Variants in DCSTAMP observed in about 807,000 individuals in gnomAD.
The protein encoded by DCSTAMP is dendrocyte expressed seven transmembrane protein.
In DCSTAMP, 25 loss-of-function variants were observed where a neutral mutation model predicts 33.8. The observed-to-expected ratio is 0.74, with a 90% CI of 0.54 to 1.03. The LOEUF (loss-of-function observed/expected upper bound fraction) is 1.03. Among genes scored for constraint, DCSTAMP ranks in the 50% least tolerant of loss-of-function variants. DCSTAMP has a pLI of 0.00. For missense variants in DCSTAMP, 531 were observed against 556.8 expected, an observed-to-expected ratio of 0.95 and a Z score of 0.47; for synonymous variants, 245 against 216.7, an observed-to-expected ratio of 1.13 and a Z score of -1.15.
intron 1 of DCSTAMP, among the ~76,000 whole-genome samples, chr8:104,346,792 T>C (rs76591830): frequency 0.02 from 3,094 of 152,358 alleles, 103 homozygotes; most frequent in African/African-American, 0.07. Flanking sequence ...CCCCATTTTA[T>C]TTCTGCCCTT....
chr8:104,345,256 C>T lies in DCSTAMP; in HGVS notation c.-12-3285C>T, dbSNP rs181954196. Among the ~76,000 whole-genome samples the T allele has an allele frequency of 4.9e-4, 75 of 152,242 alleles. 1 individual carries two copies. In the East Asian group the frequency reaches 0.014, roughly 28 times the overall value. On this transcript the variant is annotated intron_variant, in intron 1 of 3. Coordinates refer to ENST00000297581, the MANE Select transcript of DCSTAMP (RefSeq NM_030788.4). ...GAGTCTTAAGGTGCTTGCTAAGGTT[C>T]CCCTCATTAAACCAAAGGGAGCAGG...
intron 1 of DCSTAMP, among the ~76,000 whole-genome samples, chr8:104,340,859 G>A (rs975398521): frequency 6.6e-6 from 1 of 152,236 alleles, no homozygotes; most frequent in African/African-American, 2.4e-5. Flanking sequence ...GTTCCCGCAG[G>A]GGACCGGCAG....
At position 104,356,153 on chromosome 8, in the gene DCSTAMP, G is replaced by C. The variant is rs1329010300; in HGVS notation, c.1368G>C (p.Met456Ile). 3.1e-6 allele frequency: 5 copies of C among 1,612,534 alleles called. No homozygotes were observed. The South Asian group carries it at 5.5e-5, about 18-fold the overall frequency. ...ATTTCTGGCTTCCAGTCCTGAAAAT[G>C]ATTAGGAAGAAGCAAATGGACATGG... Reference protein sequence around the residue: ...KIHFWLPVLKMIRKKQMDMAS... With the variant: ...KIHFWLPVLKIIRKKQMDMAS... The change falls in exon 4 of 4, where the codon ATG becomes ATC. Residue 456 changes from methionine to isoleucine, a missense_variant. By Grantham distance (10) the Met-to-Ile change is conservative (BLOSUM62 1). Transcript: ENST00000297581.
chr8:104,350,520 A>G (rs2140475081), intron 2 of DCSTAMP, among the ~76,000 whole-genome samples: 1 of 152,354 alleles, frequency 6.6e-6, no homozygotes, highest in Admixed American at 6.5e-5. Context: ...AGTAGCTGAT[A>G]GCACCCACTT....
intron 1 of DCSTAMP, among the ~76,000 whole-genome samples, 168 bp downstream of exon 1, chr8:104,340,030 T>A (rs2099382477): frequency 1.3e-5 from 2 of 152,212 alleles, no homozygotes. Context: ...TATCTGAATA[T>A]CCTCTGCTCA....
intron 1 of DCSTAMP, 92 bp from the exon 2 acceptor site, chr8:104,348,449 G>GT (rs1810372339): frequency 1.5e-6 from 2 of 1,321,898 alleles, no homozygotes; most frequent in Non-Finnish European, 2.0e-6. Flanking sequence ...TTATGGCCAC[G>GT]TTTTTTGTAG....
In DCSTAMP at chr8:104,349,137, C is replaced by T. The variant is rs748208397; in HGVS notation, c.585C>T (p.Ser195=). Residue 195 remains serine, a synonymous_variant, in exon 2 of 4, where the codon AGC becomes AGT. Coordinates refer to ENST00000297581, the MANE Select transcript of DCSTAMP (RefSeq NM_030788.4). ...ATGACAGCAAAGGGGAAGTCCTGAG[C>T]GTCTTGTACCAGATGGCAACAACCA... The part of the protein sequence containing the change: ...QLNDSKGEVL[S]VLYQMATTTE... 10 of 1,614,042 alleles carry T rather than the reference C, an allele frequency of 6.2e-6. No individual in the cohort carries two copies. Among genetic ancestry groups the T allele is most frequent in the African/African-American group, 5.3e-5 (4 of 74,932 alleles).
rs1228499044 is a variant in DCSTAMP at position 104,354,988 on chromosome 8, A to C, written c.1141A>C (p.Ser381Arg). Reference sequence around the variant, plus strand: ...TCTATCTGAGACCTGGGTTCCTCTCAGTGTTATTCTTTTGATATTAGTGAT... The same window carrying C: ...TCTATCTGAGACCTGGGTTCCTCTCCGTGTTATTCTTTTGATATTAGTGAT... ...FLLSETWVPL[S>R]VILLILVMLG... The change falls in exon 3 of 4, where the codon AGT (serine) becomes CGT (arginine). Residue 381 changes from serine (S) to arginine (R), a missense_variant. By Grantham distance (110) the Ser-to-Arg change is moderately radical (BLOSUM62 -1). Transcript: ENST00000297581. The C allele has an allele frequency of 6.2e-7, 1 of 1,614,076 alleles. No individual in the cohort carries two copies. Among genetic ancestry groups the C allele is most frequent in the African/African-American group, 1.3e-5 (1 of 75,012 alleles).
chr8:104,348,788 G>A lies in DCSTAMP; in HGVS notation c.236G>A (p.Arg79Gln), dbSNP rs773599990. 64 of 1,614,066 alleles carry A rather than the reference G, an allele frequency of 4.0e-5. No individual in the cohort carries two copies. The highest frequency in any genetic ancestry group is 4.3e-5 in the Non-Finnish European group (51 of 1,180,052). Residue 79 changes from arginine (R) to glutamine (Q), a missense_variant, in exon 2 of 4, where the codon CGA becomes CAA. By Grantham distance (43) the Arg-to-Gln change is conservative (BLOSUM62 1). Coordinates refer to ENST00000297581, the MANE Select transcript of DCSTAMP (RefSeq NM_030788.4). The part of the protein sequence containing the change: ...CVLLCCSKHA[R>Q]CFILLVFLSC... ...CTGCTGTGTTGCTCCAAGCATGCAC[G>A]ATGTTTTATTCTTCTTGTCTTTCTC...
intron 2 of DCSTAMP, among the ~76,000 whole-genome samples, chr8:104,354,428 C>G (rs1810555567): frequency 6.6e-6 from 1 of 152,138 alleles, no homozygotes; most frequent in African/African-American, 2.4e-5. Flanking sequence ...AGCTGACTCC[C>G]CGCTCTTTCT....
intron 2 of DCSTAMP, among the ~76,000 whole-genome samples, chr8:104,353,331 C>T (rs371723578): frequency 7.4e-4 from 113 of 152,328 alleles, no homozygotes; most frequent in African/African-American, 2.6e-3. Flanking sequence ...AATTTGTCTT[C>T]CACATCACCC....
chr8:104,340,720 G>A (rs1267874303), intron 1 of DCSTAMP, among the ~76,000 whole-genome samples: 1 of 152,226 alleles, frequency 6.6e-6, no homozygotes, highest in South Asian at 2.1e-4. Context: ...CCTGGCTTGG[G>A]TAGAGGCAGG....
rs761743706 is a variant in DCSTAMP, at chr8:104,355,169, G to C, written c.1322G>C (p.Ser441Thr). 11 of 1,613,212 alleles carry C rather than the reference G, an allele frequency of 6.8e-6. No individual in the cohort carries two copies. The highest frequency in any genetic ancestry group is 5.0e-5 in the Admixed American group (3 of 59,838). ...CTGGGAGAAGTCAAAAGACGGCTGA[G>C]TCTCTATCTTACAAAGGTAAGGCCA... ...QPLGEVKRRL[S>T]LYLTKIHFWL... Residue 441 changes from serine to threonine, a missense_variant, in exon 3 of 4, where the codon AGT (serine) becomes ACT (threonine). Transcript: ENST00000297581.
Position 104,348,727 on chromosome 8 carries a change from A to G in DCSTAMP, c.175A>G (p.Ile59Val). The G allele has an allele frequency of 6.2e-7, 1 of 1,614,078 alleles. No homozygotes were observed. Among genetic ancestry groups the G allele is most frequent in the South Asian group, 1.1e-5 (1 of 91,062 alleles). Reference sequence around the variant, plus strand: ...CGCCTGCTGGTTTCTGCCATCAATCATAGCGGCCGCTGCCTCCTGGATTAT... The same window carrying G: ...CGCCTGCTGGTTTCTGCCATCAATCGTAGCGGCCGCTGCCTCCTGGATTAT... ...VAACWFLPSIIAAAASWIITC... is the reference protein window; with the variant it reads ...VAACWFLPSIVAAAASWIITC... The change falls in exon 2 of 4, where the codon ATA becomes GTA. Residue 59 changes from isoleucine (I) to valine (V), a missense_variant. Physicochemically the swap from Ile to Val is conservative, Grantham distance 29. Coordinates refer to ENST00000297581, the MANE Select transcript of DCSTAMP (RefSeq NM_030788.4).
Position 104,355,102 on chromosome 8 carries a change from T to A in DCSTAMP, c.1255T>A (p.Tyr419Asn), listed in dbSNP as rs1810582848. The stretch of plus-strand genomic sequence containing the variant: ...CAGCGTGGAGAGGAAGCGCATCCAA[T>A]ATCTGCATGCAAAGCTGCTTAAAAA... Reference protein sequence around the residue: ...YPSVERKRIQYLHAKLLKKRS... With the variant: ...YPSVERKRIQNLHAKLLKKRS... Residue 419 changes from tyrosine to asparagine, a missense_variant, in exon 3 of 4, where the codon TAT becomes AAT. Transcript: ENST00000297581. The A allele has an allele frequency of 6.2e-7, 1 of 1,614,082 alleles. No individual in the cohort carries two copies. The highest frequency in any genetic ancestry group is 1.3e-5 in the African/African-American group (1 of 75,022).
intron 1 of DCSTAMP, among the ~76,000 whole-genome samples, chr8:104,340,072 G>A (rs2099382492): frequency 6.6e-6 from 1 of 152,044 alleles, no homozygotes; most frequent in South Asian, 2.1e-4. Flanking sequence ...TCTTCTTATG[G>A]GTGTAGCCTG....
rs1264099925 is a variant in DCSTAMP, at chr8:104,356,360, A to C, written c.*162A>C. On this transcript the variant is annotated 3_prime_UTR_variant, in exon 4 of 4. Transcript: ENST00000297581. ...GCAGCACCTGGTTATGCCTCCTTTC[A>C]TCTCAAAGCCAAAGAGCTGCCAGGT... 7.3e-6 allele frequency: 4 copies of C among 550,788 alleles called. No individual in the cohort carries two copies. Among genetic ancestry groups the C allele is most frequent in the East Asian group, 7.0e-5 (2 of 28,644 alleles). The allele number at this position is 550,788 out of a possible 1,614,324, so 34.1% of individuals were successfully genotyped here.
intron 2 of DCSTAMP, among the ~76,000 whole-genome samples, chr8:104,351,829 G>T (rs1469868783): frequency 6.6e-6 from 1 of 152,086 alleles, no homozygotes; most frequent in Non-Finnish European, 1.5e-5. Context: ...GATTTTGGCT[G>T]GTTTCTTTGT....
At chr8:104,340,965 T>G (rs1459740621) in intron 1 of DCSTAMP, among the ~76,000 whole-genome samples, 2 of 152,232 alleles carry the variant, frequency 1.3e-5, no homozygotes, top group Non-Finnish European at 2.9e-5. Flanking sequence ...TTGTTGAGCA[T>G]AAGCCATTGG....
Sources: gnomAD v4.1 joint callset for allele counts (sites outside exome capture counted in the v4.1 genomes callset) on GRCh38, gnomAD v4.1.1 for gene constraint, MANE v1.5 for transcripts, NCBI Gene and HGNC (gene_info 2026-07-23, HGNC 2026-07-21) for gene names.